Variants in IKZF2 observed in about 807,000 individuals in gnomAD.
IKZF2 encodes IKAROS family zinc finger 2, also known as zinc finger protein Helios.
A neutral mutation model predicts 49.2 loss-of-function variants in IKZF2; 15 were observed. The observed-to-expected ratio is 0.30, with a 90% confidence interval of 0.20 to 0.47. The LOEUF (loss-of-function observed/expected upper bound fraction) is 0.47. IKZF2 is among the 20% of genes least tolerant of loss of function. IKZF2 has a pLI of 1.00. For missense variants in IKZF2, 567 were observed against 664.6 expected (o/e 0.85, Z 1.61); for synonymous variants, 227 against 221.4 (o/e 1.03, Z -0.23).
chr2:213,042,882 TA>T (rs1241564047), intron 6 of IKZF2, among the ~76,000 whole-genome samples: 2 of 152,032 alleles, frequency 1.3e-5, no homozygotes, highest in African/African-American at 2.4e-5. Flanking sequence ...ATTACATTTA[TA>T]TTTTTTAAAG....
intron 4 of IKZF2, among the ~76,000 whole-genome samples, chr2:213,088,408 A>C (rs1704911728): frequency 6.6e-6 from 1 of 152,092 alleles, no homozygotes; most frequent in Non-Finnish European, 1.5e-5. Context: ...TGGATATACT[A>C]AGTATTAATT....
chr2:213,088,906 G>C (rs918073187), intron 4 of IKZF2, among the ~76,000 whole-genome samples: 1 of 152,158 alleles, frequency 6.6e-6, no homozygotes, highest in African/African-American at 2.4e-5. Flanking sequence ...AGTGAAATAA[G>C]TAATATATCC....
intron 4 of IKZF2, among the ~76,000 whole-genome samples, chr2:213,078,016 T>C (rs1703472522): frequency 1.3e-5 from 2 of 152,182 alleles, no homozygotes; most frequent in African/African-American, 4.8e-5. Context: ...GAAGATTGCA[T>C]ATTCCTTTCC....
chr2:213,034,015 T>A (rs1242595919), intron 6 of IKZF2, among the ~76,000 whole-genome samples: 1 of 152,252 alleles, frequency 6.6e-6, no homozygotes, highest in Non-Finnish European at 1.5e-5. Flanking sequence ...AGCCTCTACA[T>A]CAGCACTTGC....
intron 4 of IKZF2, among the ~76,000 whole-genome samples, chr2:213,068,085 A>G (rs558740468): frequency 1.7e-4 from 26 of 152,282 alleles, no homozygotes; most frequent in South Asian, 6.2e-4. Flanking sequence ...TATGTGAAAC[A>G]TATTAAAGTG....
At chr2:213,064,466 T>A (rs967269405) in intron 4 of IKZF2, among the ~76,000 whole-genome samples, 23 of 152,170 alleles carry the variant, frequency 1.5e-4, no homozygotes, top group African/African-American at 5.3e-4. Flanking sequence ...AACTTCCTGA[T>A]GATCCTGCAC....
In IKZF2 at chr2:213,000,035, C is replaced by A. The variant is rs548710849; in HGVS notation, c.*7325G>T. 6.6e-6 allele frequency: 1 copy of A among 151,918 alleles called. No homozygotes were observed. The highest frequency in any genetic ancestry group is 6.6e-5 in the Admixed American group (1 of 15,172). 9.4% of individuals were successfully genotyped at this position (151,918 alleles called of 1,614,324 possible). On this transcript the variant is annotated 3_prime_UTR_variant, in exon 9 of 9. Transcript: ENST00000434687. ...GTGTGCATTAAAAACAAAGAAGATA[C>A]AAGTCCCACATTTTAGTCTGCAGTG... is the stretch of plus-strand genomic sequence containing the variant.
At chr2:213,122,047 A>G in intron 4 of IKZF2, among the ~76,000 whole-genome samples, 1 of 152,208 alleles carries the variant, frequency 6.6e-6, no homozygotes, top group East Asian at 1.9e-4. Context: ...TAGAAAGCCA[A>G]GCAAAGGAAA....
intron 4 of IKZF2, among the ~76,000 whole-genome samples, chr2:213,146,759 C>G (rs1161270258): frequency 2.1e-4 from 18 of 87,160 alleles, no homozygotes; most frequent in South Asian, 3.6e-4. Flanking sequence ...ATTAAATCTT[C>G]GGGGGGGGGG....
At chr2:213,070,540 G>A (rs1344094542) in intron 4 of IKZF2, among the ~76,000 whole-genome samples, 1 of 151,978 alleles carries the variant, frequency 6.6e-6, no homozygotes, top group African/African-American at 2.4e-5. Context: ...CATAATAACA[G>A]AAAAACAAAT....
At chr2:213,121,199 T>C (rs946204015) in intron 4 of IKZF2, among the ~76,000 whole-genome samples, 6 of 152,238 alleles carry the variant, frequency 3.9e-5, no homozygotes, top group Admixed American at 1.3e-4. Context: ...TAGGATCTTT[T>C]CTAGAAACTA....
At chr2:213,109,023 C>A (rs1456467510) in intron 4 of IKZF2, among the ~76,000 whole-genome samples, 1 of 149,454 alleles carries the variant, frequency 6.7e-6, no homozygotes, top group Non-Finnish European at 1.5e-5. Context: ...CAAAAAATGT[C>A]TATGCCATAA....
chr2:213,106,560 AG>A (rs139697753), intron 4 of IKZF2, among the ~76,000 whole-genome samples: 5,850 of 151,360 alleles, frequency 0.039, 233 homozygotes, highest in African/African-American at 0.11. Context: ...TCTTGAGCCC[AG>A]GAGTTCGAGG....
At chr2:213,126,335 T>TA (rs755876105) in intron 4 of IKZF2, among the ~76,000 whole-genome samples, 84 of 152,320 alleles carry the variant, frequency 5.5e-4, no homozygotes, top group Middle Eastern at 6.8e-3. Context: ...TTTCTTTCTC[T>TA]AAAATCTAAG....
chr2:213,034,183 T>C (rs1559186562), intron 6 of IKZF2, among the ~76,000 whole-genome samples: 2 of 152,260 alleles, frequency 1.3e-5, no homozygotes, highest in Non-Finnish European at 2.9e-5. Flanking sequence ...GATTAGGCTT[T>C]GATTTAAGAG....
intron 4 of IKZF2, among the ~76,000 whole-genome samples, chr2:213,065,570 T>C (rs1026195075): frequency 6.6e-6 from 1 of 152,046 alleles, no homozygotes; most frequent in Non-Finnish European, 1.5e-5. Flanking sequence ...ATAACATTAA[T>C]TAAAGAACCA....
At chr2:213,136,370 CAAAAA>C (rs11325415) in intron 4 of IKZF2, among the ~76,000 whole-genome samples, 7 of 53,646 alleles carry the variant, frequency 1.3e-4, no homozygotes, top group African/African-American at 4.2e-4. Flanking sequence ...GACACTGTCT[CAAAAA>C]AAAAAAAAAA....
At chr2:213,136,370 CA>C (rs11325415) in intron 4 of IKZF2, among the ~76,000 whole-genome samples, 2,199 of 53,610 alleles carry the variant, frequency 0.041, 14 homozygotes, top group African/African-American at 0.14. Context: ...GACACTGTCT[CA>C]AAAAAAAAAA....
intron 7 of IKZF2, chr2:213,014,420 T>C (rs1249785812): frequency 1.3e-5 from 2 of 153,324 alleles, no homozygotes; most frequent in East Asian, 3.8e-4. Context: ...GTATTTTCTA[T>C]TTGATGAGCT....
Sources: allele counts gnomAD v4.1 joint callset (sites outside exome capture counted in the v4.1 genomes callset), GRCh38; gene constraint gnomAD v4.1.1; transcripts MANE v1.5; gene names NCBI Gene and HGNC (gene_info 2026-07-23, HGNC 2026-07-21).